The following ARID4A variants were observed in gnomAD, a reference collection of about 807,000 sequenced individuals.
The protein encoded by ARID4A is AT-rich interactive domain-containing protein 4A.
A neutral mutation model predicts 148.6 loss-of-function variants in ARID4A; 39 were observed. The ratio of observed to expected loss-of-function variants is 0.26; its 90% CI spans 0.20 to 0.34. ARID4A has a LOEUF of 0.34. Ranked by LOEUF, ARID4A falls within the 10% of genes least tolerant of loss-of-function variation. The pLI, the probability that ARID4A is intolerant of heterozygous loss-of-function variation, is 1.00. For synonymous variants in ARID4A, 475 were observed against 481.2 expected (o/e 0.99, Z 0.17); for missense variants, 1,265 against 1,449.1 (o/e 0.87, Z 2.06).
At chr14:58,310,320 A>G (rs566461163) in intron 5 of ARID4A, among the ~76,000 whole-genome samples, 4 of 152,286 alleles carry the variant, frequency 2.6e-5, no homozygotes, top group Admixed American at 2.0e-4. Context: ...AGCTAAAGCA[A>G]TCTTGATCAA....
At chr14:58,315,967 C>T (rs1470921032) in intron 5 of ARID4A, among the ~76,000 whole-genome samples, 2 of 152,110 alleles carry the variant, frequency 1.3e-5, no homozygotes, top group Non-Finnish European at 1.5e-5. Context: ...AGAATCTAAG[C>T]TAGGTATCTG....
chr14:58,324,183 G>A (rs981800260), intron 8 of ARID4A, among the ~76,000 whole-genome samples: 1 of 152,098 alleles, frequency 6.6e-6, no homozygotes, highest in Non-Finnish European at 1.5e-5. Flanking sequence ...GATTATAGGC[G>A]TGAGCCACCG....
At chr14:58,371,643 C>A (rs575161966) in intron 23 of ARID4A, among the ~76,000 whole-genome samples, 1 of 152,106 alleles carries the variant, frequency 6.6e-6, no homozygotes, top group African/African-American at 2.4e-5. Flanking sequence ...GTTTTTGTCT[C>A]TTTAATCTTT....
chr14:58,365,794 T>C (rs1327951310), intron 21 of ARID4A, among the ~76,000 whole-genome samples, 172 bp downstream of exon 21: 1 of 152,218 alleles, frequency 6.6e-6, no homozygotes, highest in Non-Finnish European at 1.5e-5. Context: ...TAGCTCATTC[T>C]TTTTAACAAC....
intron 3 of ARID4A, among the ~76,000 whole-genome samples, chr14:58,304,434 G>A (rs1362506592): frequency 6.6e-6 from 1 of 152,158 alleles, no homozygotes; most frequent in Non-Finnish European, 1.5e-5. Flanking sequence ...TGTTACGGAT[G>A]GTTACTTTAT....
intron 11 of ARID4A, among the ~76,000 whole-genome samples, chr14:58,333,437 CT>C (rs1317155012): frequency 9.2e-5 from 14 of 152,050 alleles, no homozygotes; most frequent in Admixed American, 9.2e-4. Context: ...GTTTAGAAAA[CT>C]TGAGTATTAA....
chr14:58,320,352 G>C (rs975909959), intron 7 of ARID4A, among the ~76,000 whole-genome samples: 3 of 152,062 alleles, frequency 2.0e-5, no homozygotes, highest in Admixed American at 1.3e-4. Context: ...GGAACAAGGA[G>C]ATGTTCTTAC....
intron 23 of ARID4A, among the ~76,000 whole-genome samples, chr14:58,369,572 G>T (rs921832605): frequency 6.4e-5 from 9 of 140,786 alleles, no homozygotes; most frequent in Admixed American, 3.8e-4. Context: ...CCGAGATCGC[G>T]CCAGTGCACT....
chr14:58,317,687 A>G (rs1273230880), intron 5 of ARID4A, among the ~76,000 whole-genome samples: 8 of 131,338 alleles, frequency 6.1e-5, no homozygotes, highest in Admixed American at 9.0e-5. Context: ...CAGTGGCACA[A>G]TCATGGCTCA....
intron 2 of ARID4A, among the ~76,000 whole-genome samples, chr14:58,300,617 A>C (rs1384626175): frequency 6.6e-6 from 1 of 152,202 alleles, no homozygotes; most frequent in African/African-American, 2.4e-5. Flanking sequence ...GCATTTTCCC[A>C]AACTTTCTCG....
chr14:58,356,969 G>C (rs1175876085), intron 17 of ARID4A, among the ~76,000 whole-genome samples: 1 of 152,156 alleles, frequency 6.6e-6, no homozygotes, highest in Non-Finnish European at 1.5e-5. Context: ...AAAGTGTTGG[G>C]ATTACAGGCG....
At position 58,299,930 on chromosome 14, in the gene ARID4A, A is replaced by G. The variant is rs536633820; in HGVS notation, c.6+70A>G. 16 of 1,602,814 alleles carry G rather than the reference A, an allele frequency of 1.0e-5. No individual in the cohort carries two copies. The South Asian group carries it at 1.2e-4, about 12-fold the overall frequency. On this transcript the variant is annotated intron_variant, in intron 2 of 23. Transcript: ENST00000355431. ...GCCAATCCTAAGGCTAGTGCCGTGG[A>G]ATGTCATTTGTTTTGCTACTCAAAA...
rs1045682919 is a variant in ARID4A at position 58,372,135 on chromosome 14, C to T, written c.*146C>T. Reference sequence around the variant, plus strand: ...TTCCAGGCTGGATTGTATCTATTCCCCTCTCTCTTCTTTTTTCTTGTTGCA... The same window carrying T: ...TTCCAGGCTGGATTGTATCTATTCCTCTCTCTCTTCTTTTTTCTTGTTGCA... On this transcript the variant is annotated 3_prime_UTR_variant, in exon 24 of 24. Transcript: ENST00000355431. 5.4e-6 allele frequency: 3 copies of T among 556,556 alleles called. No individual in the cohort carries two copies. Among genetic ancestry groups the T allele is most frequent in the Non-Finnish European group, 9.4e-6 (3 of 318,544 alleles). The allele number at this position is 556,556 out of a possible 1,614,324, so 34.5% of individuals were successfully genotyped here.
intron 17 of ARID4A, 106 bp downstream of exon 17, chr14:58,353,961 A>G (rs1187693115): frequency 2.0e-6 from 2 of 1,013,798 alleles, no homozygotes; most frequent in East Asian, 5.0e-5. Flanking sequence ...CATATTTACA[A>G]AGCACACCTT....
chr14:58,365,619 A>G lies in ARID4A; in HGVS notation c.3313A>G (p.Thr1105Ala), dbSNP rs1020238865. Residue 1105 changes from threonine to alanine, a missense_variant, in exon 21 of 24, where the codon ACA (threonine) becomes GCA (alanine). Thr to Ala is a moderately conservative substitution (Grantham distance 58, BLOSUM62 0). Transcript: ENST00000355431. ...TGCAGCCAAAAATGAAAAGAATGGA[A>G]CAGGTTGGTGTCTTTCAATGCTAGC... ...SAAAKNEKNG[T>A]GQSSDSEDLP... The G allele has an allele frequency of 4.3e-6, 7 of 1,612,396 alleles. No homozygotes were observed. Among genetic ancestry groups the G allele is most frequent in the Non-Finnish European group, 5.9e-6 (7 of 1,179,106 alleles).
chr14:58,347,194 C>A, intron 14 of ARID4A, 77 bp downstream of exon 14: 2 of 734,868 alleles, frequency 2.7e-6, no homozygotes, highest in Non-Finnish European at 2.0e-6. Flanking sequence ...AACAAGAATA[C>A]ATCAATCTAG....
Position 58,359,169 on chromosome 14 carries a change from C to T in ARID4A, c.1891C>T (p.Pro631Ser), listed in dbSNP as rs1277501028. The change falls in exon 18 of 24, where the codon CCT becomes TCT. Residue 631 changes from proline (P) to serine (S), a missense_variant. By Grantham distance (74) the Pro-to-Ser change is moderately conservative. Transcript: ENST00000355431. ...GGTGAAGGCTGACAGGATAATCTGG[C>T]CTTTGGACAAAGGTGGACCAAAGAA... ...EWVKADRIIWPLDKGGPKKKQ... is the reference protein window; with the variant it reads ...EWVKADRIIWSLDKGGPKKKQ... 6.3e-7 allele frequency: 1 copy of T among 1,591,994 alleles called. No individual in the cohort carries two copies. Among genetic ancestry groups the T allele is most frequent in the Non-Finnish European group, 8.5e-7 (1 of 1,174,314 alleles).
chr14:58,320,742 G>A (rs1215053191), intron 7 of ARID4A, among the ~76,000 whole-genome samples: 1 of 151,928 alleles, frequency 6.6e-6, no homozygotes, highest in Non-Finnish European at 1.5e-5. Flanking sequence ...CGAGTAGCTG[G>A]GACTACAGTC....
rs1594887185 is a variant in ARID4A at position 58,318,393 on chromosome 14, A to AT, written c.275-148dup. 2.5e-5 allele frequency: 19 copies of AT among 759,992 alleles called. No individual in the cohort carries two copies. In the East Asian group the frequency reaches 5.1e-4, roughly 21 times the overall value. 47.1% of individuals were successfully genotyped at this position (759,992 alleles called of 1,614,324 possible). A position where few individuals can be genotyped will look rare whatever the true frequency, so the allele number is the denominator to read the frequency against. On this transcript the variant is annotated intron_variant, in intron 5 of 23. Transcript: ENST00000355431. ...TGTAGAATGAAAAATATGGCATGGT[A>AT]TGCTCATTGTAAAGGTTTTGAAAAA...
Sources: allele counts gnomAD v4.1 joint callset (sites outside exome capture counted in the v4.1 genomes callset), GRCh38; gene constraint gnomAD v4.1.1; transcripts MANE v1.5; gene names NCBI Gene and HGNC (gene_info 2026-07-23, HGNC 2026-07-21).